Variants in PRKCB observed in about 807,000 individuals in gnomAD.
PRKCB encodes protein kinase C beta.
In PRKCB, 13 loss-of-function variants were observed where a neutral mutation model predicts 81.5. The ratio of observed to expected loss-of-function variants is 0.16; its 90% CI spans 0.10 to 0.25. PRKCB has a LOEUF of 0.25. PRKCB is among the 10% of genes least tolerant of loss of function. The pLI, the probability that PRKCB is intolerant of heterozygous loss-of-function variation, is 1.00. For synonymous variants in PRKCB, 335 were observed against 321.4 expected (o/e 1.04, Z -0.45); for missense variants, 509 against 875.7 (o/e 0.58, Z 5.29).
rs71154241 is a variant in PRKCB at position 23,836,768 on chromosome 16, C to CG, written c.173+428dup. 5.3e-3 allele frequency among the ~76,000 whole-genome samples: 754 copies of CG among 141,984 alleles called. 17 individuals carry two copies. The highest frequency in any genetic ancestry group is 0.017 in the African/African-American group (679 of 39,168). The allele number at this position is 141,984 out of a possible 152,430, so 93.1% of individuals were successfully genotyped here. ...GCCCTCGCCCCCCACCCCTTGTTTC[C>CG]GGGGGGGGCGGCGCCCTGGGTGTCC... On this transcript the variant is annotated intron_variant, in intron 1 of 16. Transcript: ENST00000643927.
chr16:24,114,867 C>T lies in PRKCB; in HGVS notation c.918+1798C>T, dbSNP rs565206630. ...ATGACACACACAAATAAAAAAAAAACGTGTAAAGACCATGTAAAGTCCTGG... is the reference window on the plus strand; with the variant it reads ...ATGACACACACAAATAAAAAAAAAATGTGTAAAGACCATGTAAAGTCCTGG... On this transcript the variant is annotated intron_variant, in intron 8 of 16. Coordinates refer to ENST00000643927, the MANE Select transcript of PRKCB (RefSeq NM_002738.7). 1.3e-4 allele frequency among the ~76,000 whole-genome samples: 19 copies of T among 149,874 alleles called. No homozygotes were observed. The East Asian group carries it at 2.0e-3, about 16-fold the overall frequency.
intron 2 of PRKCB, among the ~76,000 whole-genome samples, chr16:23,859,185 A>G (rs1962621611): frequency 6.6e-6 from 1 of 152,186 alleles, no homozygotes; most frequent in Admixed American, 6.5e-5. Flanking sequence ...TCTCTAAGCT[A>G]AGTAGTTGAA....
chr16:23,986,006 C>G (rs2141819943), intron 2 of PRKCB, among the ~76,000 whole-genome samples: 1 of 152,098 alleles, frequency 6.6e-6, no homozygotes, highest in Non-Finnish European at 1.5e-5. Context: ...AATTGGTTAC[C>G]TCTTTGGAAA....
At chr16:24,018,051 A>G (rs892494766) in intron 3 of PRKCB, among the ~76,000 whole-genome samples, 12 of 151,794 alleles carry the variant, frequency 7.9e-5, no homozygotes, top group Admixed American at 2.6e-4. Flanking sequence ...GGTGCCCGCC[A>G]CCACGCCCAG....
chr16:23,997,654 G>C (rs1386514878), intron 3 of PRKCB, among the ~76,000 whole-genome samples: 1 of 152,148 alleles, frequency 6.6e-6, no homozygotes, highest in Admixed American at 6.6e-5. Flanking sequence ...ATCATGTAAC[G>C]TAAGATGTAT....
intron 7 of PRKCB, among the ~76,000 whole-genome samples, chr16:24,095,190 T>C (rs1261555279): frequency 2.0e-5 from 3 of 152,154 alleles, no homozygotes; most frequent in Admixed American, 6.5e-5. Flanking sequence ...TTTATCAAGA[T>C]GGGAGAATTG....
At chr16:23,870,128 GAGTTTGGCAAATATTAGA>G (rs1289857657) in intron 2 of PRKCB, among the ~76,000 whole-genome samples, 4 of 152,114 alleles carry the variant, frequency 2.6e-5, no homozygotes, top group African/African-American at 9.7e-5. Flanking sequence ...TTCCAAAAAG[GAGTTTGGCAAATATTAGA>G]ATGGTGTTCA....
chr16:24,183,095 C>T (rs941822394), intron 13 of PRKCB, among the ~76,000 whole-genome samples: 2 of 152,002 alleles, frequency 1.3e-5, no homozygotes, highest in African/African-American at 2.4e-5. Flanking sequence ...CTCCTGACCT[C>T]GTGATCCGCC....
At chr16:24,186,247 A>G (rs1158365450) in intron 15 of PRKCB, among the ~76,000 whole-genome samples, 15 of 152,168 alleles carry the variant, frequency 9.9e-5, no homozygotes, top group Admixed American at 8.5e-4. Flanking sequence ...GTGAGATCCT[A>G]AAGATCAGCG....
intron 2 of PRKCB, among the ~76,000 whole-genome samples, chr16:23,947,759 C>T (rs1299087196): frequency 3.3e-5 from 5 of 152,082 alleles, no homozygotes; most frequent in Admixed American, 2.6e-4. Context: ...CAGGAATCTT[C>T]TTGCTTTGGG....
At position 24,021,115 on chromosome 16, in the gene PRKCB, CTCTT is replaced by C. The variant is rs1299230941; in HGVS notation, c.289-11010_289-11007del. 4.8e-4 allele frequency among the ~76,000 whole-genome samples: 45 copies of C among 93,940 alleles called. 1 individual carries two copies. Among genetic ancestry groups the C allele is most frequent in the African/African-American group, 1.0e-3 (29 of 28,028 alleles). 61.6% of individuals were successfully genotyped at this position (93,940 alleles called of 152,430 possible). A position where few individuals can be genotyped will look rare whatever the true frequency, so the allele number is the denominator to read the frequency against. On this transcript the variant is annotated intron_variant, in intron 3 of 16. Coordinates refer to ENST00000643927, the MANE Select transcript of PRKCB (RefSeq NM_002738.7). ...TTTTTCTTTCTTTCTTTCCTTCTCT[CTCTT>C]TCTTTCTTTCCTTCCTTCCTTCCTT...
chr16:24,034,222 C>T (rs1375963849), intron 4 of PRKCB, among the ~76,000 whole-genome samples: 2 of 152,216 alleles, frequency 1.3e-5, no homozygotes, highest in Non-Finnish European at 2.9e-5. Context: ...GGCTGGTGCT[C>T]AGGTCCCAGA....
At chr16:24,154,880 G>A (rs1344351891) in intron 10 of PRKCB, 23 bp downstream of exon 10, 2 of 1,607,858 alleles carry the variant, frequency 1.2e-6, no homozygotes, top group Non-Finnish European at 1.7e-6. Context: ...ATGGCCCTGG[G>A]TATTCCACCT....
chr16:24,043,570 T>C (rs1965727920), intron 5 of PRKCB, among the ~76,000 whole-genome samples: 2 of 152,174 alleles, frequency 1.3e-5, no homozygotes, highest in South Asian at 4.1e-4. Flanking sequence ...CTTCAAAGCC[T>C]ATCAGCTTGT....
intron 3 of PRKCB, among the ~76,000 whole-genome samples, chr16:23,993,405 T>C (rs1025451680): frequency 1.3e-5 from 2 of 152,054 alleles, no homozygotes; most frequent in Non-Finnish European, 2.9e-5. Flanking sequence ...CATGAGTGAG[T>C]TGGAGATGCC....
chr16:23,860,723 T>C (rs972851863), intron 2 of PRKCB, among the ~76,000 whole-genome samples: 2 of 140,918 alleles, frequency 1.4e-5, no homozygotes, highest in African/African-American at 5.2e-5. Flanking sequence ...CCATCTCTAC[T>C]AAAAAAAAAA....
chr16:24,055,954 G>A (rs956833041), intron 5 of PRKCB, among the ~76,000 whole-genome samples: 7 of 152,200 alleles, frequency 4.6e-5, no homozygotes, highest in African/African-American at 1.4e-4. Context: ...GACAAAAGGG[G>A]AAACTGAGGC....
intron 2 of PRKCB, among the ~76,000 whole-genome samples, chr16:23,861,158 T>G (rs1962657322): frequency 6.6e-6 from 1 of 151,722 alleles, no homozygotes; most frequent in Non-Finnish European, 1.5e-5. Context: ...TTGTTTCAGA[T>G]AGGATGCATT....
chr16:24,082,327 C>A (rs1270134531), intron 5 of PRKCB, among the ~76,000 whole-genome samples: 1 of 152,146 alleles, frequency 6.6e-6, no homozygotes, highest in African/African-American at 2.4e-5. Flanking sequence ...GTCAAAATCC[C>A]AGCAGGATTT....
Sources: allele counts gnomAD v4.1 joint callset (sites outside exome capture counted in the v4.1 genomes callset), GRCh38; gene constraint gnomAD v4.1.1; transcripts MANE v1.5; gene names NCBI Gene and HGNC (gene_info 2026-07-23, HGNC 2026-07-21).